Variants in AKAP19 observed in about 807,000 individuals in gnomAD.
AKAP19 encodes the protein A-kinase anchoring protein 19, also known as small A-kinase anchoring protein.
the AKAP19 span, among the ~76,000 whole-genome samples, chr2:190,046,343 G>GAAAAC: frequency 6.6e-6 from 1 of 152,034 alleles, no homozygotes; most frequent in Non-Finnish European, 1.5e-5. Flanking sequence ...AGATGATCTA[G>GAAAAC]AAAACACTTT....
chr2:190,161,049 T>C, the AKAP19 span, among the ~76,000 whole-genome samples: 1 of 152,124 alleles, frequency 6.6e-6, no homozygotes, highest in East Asian at 1.9e-4. Flanking sequence ...TTTTTAAAGC[T>C]CCCCAAATTT....
At chr2:190,123,773 G>T in the AKAP19 span, among the ~76,000 whole-genome samples, 6 of 152,170 alleles carry the variant, frequency 3.9e-5, no homozygotes, top group East Asian at 1.2e-3. Flanking sequence ...ATTATTTTTG[G>T]TTGTGTCTAA....
chr2:189,904,282 A>G, the AKAP19 span, among the ~76,000 whole-genome samples: 6 of 152,036 alleles, frequency 3.9e-5, no homozygotes, highest in African/African-American at 1.2e-4. Context: ...CTGTAGGTCA[A>G]TACTCTGTTT....
chr2:189,895,166 A>G, the AKAP19 span, among the ~76,000 whole-genome samples: 1 of 151,468 alleles, frequency 6.6e-6, no homozygotes, highest in Non-Finnish European at 1.5e-5. Flanking sequence ...GAGCAAAGGA[A>G]AGAGAAAGTG....
chr2:190,186,831 T>C, the AKAP19 span, among the ~76,000 whole-genome samples: 1 of 152,158 alleles, frequency 6.6e-6, no homozygotes, highest in African/African-American at 2.4e-5. The surrounding 1 kb of genome is among the most constrained non-coding windows in gnomAD (Gnocchi z 5.5). Flanking sequence ...ATATGTATTT[T>C]TTATAAACTT....
chr2:190,037,324 G>T, the AKAP19 span, among the ~76,000 whole-genome samples: 1 of 152,194 alleles, frequency 6.6e-6, no homozygotes, highest in African/African-American at 2.4e-5. Flanking sequence ...TTTAGACATA[G>T]CCTATATCTT....
chr2:190,099,176 T>C, the AKAP19 span, among the ~76,000 whole-genome samples: 1 of 152,250 alleles, frequency 6.6e-6, no homozygotes, highest in South Asian at 2.1e-4. Flanking sequence ...CCTGGCTAAC[T>C]ATTTGGCATA....
chr2:189,990,804 C>T, the AKAP19 span, among the ~76,000 whole-genome samples: 1 of 152,216 alleles, frequency 6.6e-6, no homozygotes, highest in South Asian at 2.1e-4. Context: ...TTGGTGCACC[C>T]ATCACCTGAG....
At chr2:190,087,179 G>A in the AKAP19 span, among the ~76,000 whole-genome samples, 5 of 152,320 alleles carry the variant, frequency 3.3e-5, no homozygotes, top group Non-Finnish European at 5.9e-5. Context: ...CAGCAACCTA[G>A]TCTTACAAGT....
At chr2:190,183,065 T>C in the AKAP19 span, among the ~76,000 whole-genome samples, 4 of 152,372 alleles carry the variant, frequency 2.6e-5, no homozygotes, top group Admixed American at 2.6e-4. Context: ...CAAGTCCTTT[T>C]ACTGTGACCG....
the AKAP19 span, among the ~76,000 whole-genome samples, chr2:190,044,756 T>G: frequency 2.0e-5 from 3 of 152,196 alleles, no homozygotes; most frequent in African/African-American, 7.2e-5. Context: ...TTGCCTCATA[T>G]TTTCCAGTAC....
At chr2:190,112,620 C>G in the AKAP19 span, among the ~76,000 whole-genome samples, 1 of 151,954 alleles carries the variant, frequency 6.6e-6, no homozygotes, top group Non-Finnish European at 1.5e-5. Context: ...TGAACATTAT[C>G]AAATTCTTCT....
At chr2:189,995,336 C>T in the AKAP19 span, among the ~76,000 whole-genome samples, 15 of 152,138 alleles carry the variant, frequency 9.9e-5, no homozygotes, top group East Asian at 1.9e-4. Context: ...GATATTTTCC[C>T]GTTAGACTGA....
the AKAP19 span, among the ~76,000 whole-genome samples, chr2:189,906,623 C>A: frequency 1.3e-5 from 2 of 152,078 alleles, no homozygotes; most frequent in Admixed American, 6.6e-5. Context: ...ATAAGCATTA[C>A]CCCATGTTTT....
chr2:190,039,632 A>G, the AKAP19 span, among the ~76,000 whole-genome samples: 10 of 152,032 alleles, frequency 6.6e-5, no homozygotes, highest in Non-Finnish European at 1.3e-4. Flanking sequence ...TATTAGGCCC[A>G]GTACCCAACA....
chr2:190,019,392 G>A, the AKAP19 span, among the ~76,000 whole-genome samples: 1 of 152,106 alleles, frequency 6.6e-6, no homozygotes, highest in South Asian at 2.1e-4. Context: ...TCTGGGTGGG[G>A]CCTTTGGGTA....
At chr2:190,043,378 T>G in the AKAP19 span, among the ~76,000 whole-genome samples, 2 of 152,188 alleles carry the variant, frequency 1.3e-5, no homozygotes, top group Non-Finnish European at 2.9e-5. Context: ...CTTCTAGAGA[T>G]TTTGTTCATT....
chr2:190,013,040 A>G, the AKAP19 span, among the ~76,000 whole-genome samples: 1 of 152,044 alleles, frequency 6.6e-6, no homozygotes, highest in Non-Finnish European at 1.5e-5. Flanking sequence ...TTGTATTTAT[A>G]TTTATCAGGG....
At chr2:190,023,171 CT>C in the AKAP19 span, among the ~76,000 whole-genome samples, 2 of 152,122 alleles carry the variant, frequency 1.3e-5, no homozygotes, top group South Asian at 2.1e-4. Flanking sequence ...GTGATTACTA[CT>C]TTTTTATGCT....
Sources: gnomAD v4.1 joint callset for allele counts (sites outside exome capture counted in the v4.1 genomes callset) on GRCh38, gnomAD v4.1.1 for gene constraint, Gnocchi (gnomAD v3.1) non-coding constraint, MANE v1.5 for transcripts, NCBI Gene and HGNC (gene_info 2026-07-23, HGNC 2026-07-21) for gene names.